Variants in CSMD1 observed in about 807,000 individuals in gnomAD.
The protein encoded by CSMD1 is CUB and sushi domain-containing protein 1.
A neutral mutation model predicts 417.5 loss-of-function variants in CSMD1; 213 were observed. The observed-to-expected ratio is 0.51, with a 90% CI of 0.46 to 0.57. CSMD1 has a LOEUF of 0.57. Ranked by LOEUF, CSMD1 falls within the 20% of genes least tolerant of loss-of-function variation. CSMD1 has a pLI of 0.00. For missense variants in CSMD1, 6,923 were observed against 4,529.7 expected, an observed-to-expected ratio of 1.53 and a Z score of -15.17; for synonymous variants, 2,862 against 1,736.8, an observed-to-expected ratio of 1.65 and a Z score of -16.11.
intron 7 of CSMD1, among the ~76,000 whole-genome samples, chr8:3,658,965 G>A: frequency 6.6e-6 from 1 of 152,194 alleles, no homozygotes; most frequent in East Asian, 1.9e-4. Context: ...TCATATGCTA[G>A]GAATGACCTA....
At chr8:3,706,879 G>C (rs188000878) in intron 7 of CSMD1, among the ~76,000 whole-genome samples, 3 of 152,146 alleles carry the variant, frequency 2.0e-5, no homozygotes, top group Admixed American at 6.5e-5. Context: ...TCCTTCTACT[G>C]TTTCTCAGAT....
chr8:3,994,961 C>T (rs1040092012), intron 5 of CSMD1, among the ~76,000 whole-genome samples: 1 of 152,158 alleles, frequency 6.6e-6, no homozygotes, highest in Non-Finnish European at 1.5e-5. Context: ...GTCACTCGCA[C>T]CACCCTCCTG....
chr8:3,744,190 G>C (rs552218379), intron 6 of CSMD1, among the ~76,000 whole-genome samples: 1 of 152,204 alleles, frequency 6.6e-6, no homozygotes, highest in Non-Finnish European at 1.5e-5. Flanking sequence ...GGCGGGAGTG[G>C]GAGTTGAGGA....
chr8:3,413,306 T>C (rs17066044), intron 12 of CSMD1, among the ~76,000 whole-genome samples: 13,257 of 152,216 alleles, frequency 0.087, 707 homozygotes, highest in East Asian at 0.16. Context: ...AGCTCTACTG[T>C]GCAGAGGTTT....
chr8:4,513,034 A>C (rs1389597460), intron 2 of CSMD1, among the ~76,000 whole-genome samples: 2 of 152,200 alleles, frequency 1.3e-5, no homozygotes, highest in Admixed American at 1.3e-4. Flanking sequence ...ACAGATAATT[A>C]AACAATGAAA....
At chr8:3,530,267 T>A (rs1251338123) in intron 10 of CSMD1, among the ~76,000 whole-genome samples, 1 of 152,194 alleles carries the variant, frequency 6.6e-6, no homozygotes, top group South Asian at 2.1e-4. Flanking sequence ...TGATTCAATA[T>A]CTTATATTTT....
intron 3 of CSMD1, among the ~76,000 whole-genome samples, chr8:4,040,618 G>C (rs13439455): frequency 6.6e-6 from 1 of 152,162 alleles, no homozygotes; most frequent in African/African-American, 2.4e-5. Flanking sequence ...GGAGACTTAC[G>C]ATGTTTTCTT....
chr8:3,741,617 A>G (rs1796808286), intron 6 of CSMD1, among the ~76,000 whole-genome samples: 1 of 152,246 alleles, frequency 6.6e-6, no homozygotes, highest in Non-Finnish European at 1.5e-5. Context: ...CAGTGCAAAT[A>G]GTGCAGACAG....
Position 4,282,624 on chromosome 8 carries a change from T to A in CSMD1, c.415+137329A>T, listed in dbSNP as rs372039885. Among the ~76,000 whole-genome samples, 33 of 152,336 alleles carry A rather than the reference T, an allele frequency of 2.2e-4. No individual in the cohort carries two copies. In the East Asian group the frequency reaches 4.2e-3, roughly 20 times the overall value. ...CAGTCAGGGAGAAAGGTAGTTAGTATATTGTATGCATTCACCTTTTCAGTT... is the reference window on the plus strand; with the variant it reads ...CAGTCAGGGAGAAAGGTAGTTAGTAAATTGTATGCATTCACCTTTTCAGTT... On this transcript the variant is annotated intron_variant, in intron 3 of 69. Transcript: ENST00000635120.
intron 7 of CSMD1, among the ~76,000 whole-genome samples, chr8:3,623,690 C>G (rs1218420240): frequency 6.6e-6 from 1 of 151,986 alleles, no homozygotes; most frequent in Non-Finnish European, 1.5e-5. Context: ...TGAGCTGACT[C>G]CAGGGCCGGG....
At chr8:4,752,070 T>C (rs529596886) in intron 1 of CSMD1, among the ~76,000 whole-genome samples, 77 of 139,182 alleles carry the variant, frequency 5.5e-4, no homozygotes, top group Non-Finnish European at 9.4e-4. Flanking sequence ...CAAAAACATA[T>C]GTATATTCAT....
intron 49 of CSMD1, among the ~76,000 whole-genome samples, chr8:3,068,554 T>A (rs959644664): frequency 1.4e-3 from 212 of 152,282 alleles, no homozygotes; most frequent in African/African-American, 4.2e-3. Flanking sequence ...TATAAAGACA[T>A]TTAGTTGGCT....
chr8:3,798,160 C>G (rs1800264490), intron 5 of CSMD1, among the ~76,000 whole-genome samples: 1 of 151,804 alleles, frequency 6.6e-6, no homozygotes, highest in Admixed American at 6.6e-5. Context: ...CATATGTAGT[C>G]TTTTATTAGA....
chr8:4,338,374 T>A (rs1247982075), intron 3 of CSMD1, among the ~76,000 whole-genome samples: 1 of 152,130 alleles, frequency 6.6e-6, no homozygotes, highest in African/African-American at 2.4e-5. Context: ...AAATATCTTA[T>A]GTTTGCAAAT....
intron 2 of CSMD1, among the ~76,000 whole-genome samples, chr8:4,587,068 C>T (rs936306967): frequency 6.6e-6 from 1 of 152,112 alleles, no homozygotes; most frequent in Non-Finnish European, 1.5e-5. Flanking sequence ...ATCCATGAAA[C>T]ATTGCTTTTA....
chr8:4,707,780 G>A (rs533474537), intron 1 of CSMD1, among the ~76,000 whole-genome samples: 5 of 151,552 alleles, frequency 3.3e-5, no homozygotes, highest in South Asian at 2.1e-4. Flanking sequence ...CCAGCTACTC[G>A]GGAGGCTGAA....
At chr8:4,419,522 C>G (rs911963254) in intron 3 of CSMD1, among the ~76,000 whole-genome samples, 1 of 152,136 alleles carries the variant, frequency 6.6e-6, no homozygotes. Context: ...AATTTTCTCT[C>G]TTAAAAATTT....
chr8:4,410,188 A>G (rs931998135), intron 3 of CSMD1, among the ~76,000 whole-genome samples: 4 of 152,214 alleles, frequency 2.6e-5, no homozygotes, highest in African/African-American at 9.7e-5. Flanking sequence ...AAAGTTTTCT[A>G]TACCAGATAC....
chr8:4,444,123 C>A (rs938077204), intron 2 of CSMD1, among the ~76,000 whole-genome samples: 2 of 151,960 alleles, frequency 1.3e-5, no homozygotes, highest in Non-Finnish European at 2.9e-5. Flanking sequence ...AGGTCGATCA[C>A]TTCAGGTCAG....
Sources: allele counts gnomAD v4.1 joint callset (sites outside exome capture counted in the v4.1 genomes callset), GRCh38; gene constraint gnomAD v4.1.1; transcripts MANE v1.5; gene names NCBI Gene and HGNC (gene_info 2026-07-23, HGNC 2026-07-21).